The following ZNF740 variants were observed in gnomAD, a reference collection of about 807,000 sequenced individuals.
The protein encoded by ZNF740 is oriLyt TD-element-binding protein 7.
In ZNF740, 14 loss-of-function variants were observed where a neutral mutation model predicts 24.8. The ratio of observed to expected loss-of-function variants is 0.56; its 90% confidence interval spans 0.37 to 0.88. ZNF740 has a LOEUF of 0.88. Among genes scored for constraint, ZNF740 ranks in the 40% least tolerant of loss-of-function variants. ZNF740 has a pLI of 0.00. For synonymous variants in ZNF740, 69 were observed against 84.0 expected (o/e 0.82, Z 0.98); for missense variants, 201 against 247.9 (o/e 0.81, Z 1.27).
In ZNF740 at chr12:53,192,586, A is replaced by G. The variant is rs1397809285; in HGVS notation, c.*4996A>G. 3.1e-6 allele frequency: 5 copies of G among 1,597,248 alleles called. No individual in the cohort carries two copies. Among genetic ancestry groups the G allele is most frequent in the Middle Eastern group, 3.6e-4 (2 of 5,534 alleles). On this transcript the variant is annotated 3_prime_UTR_variant, in exon 7 of 7. Coordinates refer to ENST00000416904, the MANE Select transcript of ZNF740 (RefSeq NM_001004304.4). ...TTACCAGCTGGGCAGTTGTCACCCA[A>G]TGCCCCTTGCCCAACTACAAGCAGG...
rs544481428 is a variant in ZNF740 at position 53,190,830 on chromosome 12, G to T, written c.*3240G>T. 6.6e-6 allele frequency: 1 copy of T among 152,282 alleles called. No homozygotes were observed. The highest frequency in any genetic ancestry group is 1.9e-4 in the East Asian group (1 of 5,180). 9.4% of individuals were successfully genotyped at this position (152,282 alleles called of 1,614,324 possible). ...GTATGTTCCTTCGTGATATATTTAG[G>T]ATATTTAAATAAAAGGAAAATGGGG... On this transcript the variant is annotated 3_prime_UTR_variant, in exon 7 of 7. Transcript: ENST00000416904.
chr12:53,181,556 GA>G, intron 1 of ZNF740, 120 bp from the exon 2 acceptor site: 6 of 955,288 alleles, frequency 6.3e-6, no homozygotes, highest in Non-Finnish European at 5.0e-6. Context: ...AACTCTTCTT[GA>G]CTCATGTCCT....
chr12:53,184,778 C>T, intron 2 of ZNF740, 113 bp from the exon 3 acceptor site: 1 of 1,281,210 alleles, frequency 7.8e-7, no homozygotes, highest in Admixed American at 2.1e-5. Flanking sequence ...AGGGACATTC[C>T]CTGGAGAGAA....
intron 6 of ZNF740, 91 bp from the exon 7 acceptor site, chr12:53,187,410 A>ATG: frequency 9.8e-7 from 1 of 1,022,472 alleles, no homozygotes; most frequent in Non-Finnish European, 1.5e-6. Context: ...GGGATGGAGA[A>ATG]TGTGGTATCT....
In ZNF740 at chr12:53,194,013, T is replaced by A; in HGVS notation, c.*6423T>A. ...TAGTAAATGAAGGGATGGGGTCATG[T>A]TAACACCCAACTCCTAGAAACATGC... On this transcript the variant is annotated 3_prime_UTR_variant, in exon 7 of 7. Transcript: ENST00000416904. The A allele has an allele frequency of 7.6e-7, 1 of 1,312,284 alleles. No homozygotes were observed. The highest frequency in any genetic ancestry group is 1.1e-6 in the Non-Finnish European group (1 of 943,860). 81.3% of individuals were successfully genotyped at this position (1,312,284 alleles called of 1,614,324 possible). A position where few individuals can be genotyped will look rare whatever the true frequency, so the allele number is the denominator to read the frequency against.
At chr12:53,182,660 G>A (rs1019981725) in intron 2 of ZNF740, among the ~76,000 whole-genome samples, 2 of 152,126 alleles carry the variant, frequency 1.3e-5, no homozygotes, top group East Asian at 3.9e-4. Flanking sequence ...AACAGCATGG[G>A]CAGGAGCTTA....
Position 53,194,100 on chromosome 12 carries a change from G to T in ZNF740, c.*6510G>T. 1 of 1,533,364 alleles carries T rather than the reference G, an allele frequency of 6.5e-7. No homozygotes were observed. The highest frequency in any genetic ancestry group is 8.9e-7 in the Non-Finnish European group (1 of 1,117,918). 95.0% of individuals were successfully genotyped at this position (1,533,364 alleles called of 1,614,324 possible). ...ATGGAGGACTACCTCAGGCTCTCAT[G>T]TCACTCCCTGTACCTGCCACCCATC... On this transcript the variant is annotated 3_prime_UTR_variant, in exon 7 of 7. Coordinates refer to ENST00000416904, the MANE Select transcript of ZNF740 (RefSeq NM_001004304.4).
Position 53,182,009 on chromosome 12 carries a change from T to A in ZNF740, c.9+17T>A. On this transcript the variant is annotated intron_variant, in intron 2 of 6. Coordinates refer to ENST00000416904, the MANE Select transcript of ZNF740 (RefSeq NM_001004304.4). ...ATGGCTCAGGTAAAAAGCTCTAGAG[T>A]CCTCCTCCAAGATAACTGGGAAGCC... 7 of 1,606,166 alleles carry A rather than the reference T, an allele frequency of 4.4e-6. No individual in the cohort carries two copies. Among genetic ancestry groups the A allele is most frequent in the Non-Finnish European group, 6.0e-6 (7 of 1,176,164 alleles).
Position 53,192,792 on chromosome 12 carries a change from C to T in ZNF740, c.*5202C>T. 5 of 1,614,188 alleles carry T rather than the reference C, an allele frequency of 3.1e-6. No individual in the cohort carries two copies. The highest frequency in any genetic ancestry group is 4.2e-6 in the Non-Finnish European group (5 of 1,180,012). ...AGCGGTTGCATTTGCAGCGTCCATGCCCACTGCAGAGCCCTCCCTCGGGAC... is the reference window on the plus strand; with the variant it reads ...AGCGGTTGCATTTGCAGCGTCCATGTCCACTGCAGAGCCCTCCCTCGGGAC... On this transcript the variant is annotated 3_prime_UTR_variant, in exon 7 of 7. Transcript: ENST00000416904.
intron 2 of ZNF740, among the ~76,000 whole-genome samples, chr12:53,184,150 T>TGTGTGTGTGTGTGTGTGCGCGCGCGC (rs59250662): frequency 2.9e-5 from 3 of 104,346 alleles, no homozygotes; most frequent in African/African-American, 1.1e-4. Flanking sequence ...TGTGTGTGTG[T>TGTGTGTGTGTGTGTGTGCGCGCGCGC]GCGCGCGCGC....
At chr12:53,181,185 T>C (rs1489688085) in intron 1 of ZNF740, 1 of 985,292 alleles carries the variant, frequency 1.0e-6, no homozygotes, top group Non-Finnish European at 1.2e-6. Context: ...CGCGCCGGGC[T>C]TCGCCTGCCT....
rs59250662 is a variant in ZNF740 at position 53,184,150 on chromosome 12, T to TGTGTGCGC, written c.10-740_10-739insTGTGCGCG. Among the ~76,000 whole-genome samples, 194 of 104,414 alleles carry TGTGTGCGC rather than the reference T, an allele frequency of 1.9e-3. 2 individuals carry two copies. Among genetic ancestry groups the TGTGTGCGC allele is most frequent in the African/African-American group, 5.1e-3 (136 of 26,774 alleles). 68.5% of individuals were successfully genotyped at this position (104,414 alleles called of 152,430 possible). A position where few individuals can be genotyped will look rare whatever the true frequency, so the allele number is the denominator to read the frequency against. ...GTGTGTGTGTGTGTGTGTGTGTGTG[T>TGTGTGCGC]GCGCGCGCGCGCTCTGAAGCTAAGG... On this transcript the variant is annotated intron_variant, in intron 2 of 6. Coordinates refer to ENST00000416904, the MANE Select transcript of ZNF740 (RefSeq NM_001004304.4).
rs781134923 is a variant in ZNF740 at position 53,193,274 on chromosome 12, T to C, written c.*5684T>C. 20 of 1,613,600 alleles carry C rather than the reference T, an allele frequency of 1.2e-5. No individual in the cohort carries two copies. Among genetic ancestry groups the C allele is most frequent in the Admixed American group, 3.3e-5 (2 of 59,984 alleles). On this transcript the variant is annotated 3_prime_UTR_variant, in exon 7 of 7. Coordinates refer to ENST00000416904, the MANE Select transcript of ZNF740 (RefSeq NM_001004304.4). ...TCCACTGCACAGGGGCCCTGTGCCA[T>C]TGGGAGCCCGGCACCCAGATTCCAG...
At position 53,192,300 on chromosome 12, in the gene ZNF740, C is replaced by G. The variant is rs377182660; in HGVS notation, c.*4710C>G. 3 of 1,607,834 alleles carry G rather than the reference C, an allele frequency of 1.9e-6. No homozygotes were observed. Among genetic ancestry groups the G allele is most frequent in the African/African-American group, 2.7e-5 (2 of 74,806 alleles). On this transcript the variant is annotated 3_prime_UTR_variant, in exon 7 of 7. Coordinates refer to ENST00000416904, the MANE Select transcript of ZNF740 (RefSeq NM_001004304.4). ...AGTTGAGACCCTGCCCATCAAACTT[C>G]CAGGGTTTGTGGCATCCCTGCCCAC...
rs1822436252 is a variant in ZNF740, at chr12:53,186,015, A to G, written c.311A>G (p.Glu104Gly). ...AAGATTCCCAAAAATTTTGTTTGTGAACACTGCTTTGGAGCCTTTCGGAGC... is the reference window on the plus strand; with the variant it reads ...AAGATTCCCAAAAATTTTGTTTGTGGACACTGCTTTGGAGCCTTTCGGAGC... ...QVKIPKNFVC[E>G]HCFGAFRSSY... The change falls in exon 5 of 7, where the codon GAA becomes GGA. Residue 104 changes from glutamate (E) to glycine (G), a missense_variant. Physicochemically the swap from Glu to Gly is moderately conservative, Grantham distance 98. Around this residue, in one of 3 missense-constraint regions of ZNF740, gnomAD observed 60 missense variants for 107.8 expected, o/e 0.56. Transcript: ENST00000416904. 6.2e-7 allele frequency: 1 copy of G among 1,613,846 alleles called. No homozygotes were observed. Among genetic ancestry groups the G allele is most frequent in the Non-Finnish European group, 8.5e-7 (1 of 1,179,862 alleles).
In ZNF740 at chr12:53,193,427, C is replaced by G; in HGVS notation, c.*5837C>G. The G allele has an allele frequency of 1.6e-6, 2 of 1,223,874 alleles. No individual in the cohort carries two copies. The highest frequency in any genetic ancestry group is 2.2e-6 in the Non-Finnish European group (2 of 893,108). The allele number at this position is 1,223,874 out of a possible 1,614,324, so 75.8% of individuals were successfully genotyped here. ...GTTTGATCACCCCTGACTTGTCTCT[C>G]CCAGGAACCTCTAAACCCAAGTTCT... On this transcript the variant is annotated 3_prime_UTR_variant, in exon 7 of 7. Coordinates refer to ENST00000416904, the MANE Select transcript of ZNF740 (RefSeq NM_001004304.4).
Position 53,181,852 on chromosome 12 carries a change from G to T in ZNF740, c.-132G>T. 1 of 1,139,916 alleles carries T rather than the reference G, an allele frequency of 8.8e-7. No individual in the cohort carries two copies. The highest frequency in any genetic ancestry group is 1.3e-6 in the Non-Finnish European group (1 of 796,538). The allele number at this position is 1,139,916 out of a possible 1,614,324, so 70.6% of individuals were successfully genotyped here. On this transcript the variant is annotated 5_prime_UTR_variant, in exon 2 of 7. Transcript: ENST00000416904. The stretch of plus-strand genomic sequence containing the variant: ...CTATTTGAAGACAAAGTTCAATATG[G>T]CAACAGGACTGATGGGACACGAAGG...
rs1448335681 is a variant in ZNF740 at position 53,192,285 on chromosome 12, CT to C, written c.*4696del. ...ACTCTGCATCCCCAGAGTTGAGACC[CT>C]GCCCATCAAACTTCCAGGGTTTGTG... On this transcript the variant is annotated 3_prime_UTR_variant, in exon 7 of 7. Coordinates refer to ENST00000416904, the MANE Select transcript of ZNF740 (RefSeq NM_001004304.4). The C allele has an allele frequency of 6.9e-6, 11 of 1,585,036 alleles. No homozygotes were observed. The highest frequency in any genetic ancestry group is 8.7e-6 in the Non-Finnish European group (10 of 1,155,446).
At position 53,180,786 on chromosome 12, in the gene ZNF740, C is replaced by A; in HGVS notation, c.-359C>A. On this transcript the variant is annotated 5_prime_UTR_variant, in exon 1 of 7. In the 5' UTR this introduces an upstream ATG that the reference lacks. Transcript: ENST00000416904. ...TGGGGTTGGCAGGGTGTGCTGGGGC[C>A]TGGAGGAGGCGCCGCGCGGCCAGGG... 7.9e-7 allele frequency: 1 copy of A among 1,273,062 alleles called. No homozygotes were observed. 78.9% of individuals were successfully genotyped at this position (1,273,062 alleles called of 1,614,324 possible).
Sources: allele counts gnomAD v4.1 joint callset (sites outside exome capture counted in the v4.1 genomes callset), GRCh38; gene constraint gnomAD v4.1.1; regional missense constraint gnomAD v4.1.1; transcripts MANE v1.5; gene names NCBI Gene and HGNC (gene_info 2026-07-23, HGNC 2026-07-21).